Variants in PCDH17 observed in about 807,000 individuals in gnomAD.
PCDH17 encodes the protein protocadherin 17, also known as protocadherin-17.
Under a neutral mutation model 67.7 loss-of-function variants are expected in PCDH17, and 21 were observed. The observed-to-expected ratio is 0.31, with a 90% CI of 0.22 to 0.45. The LOEUF (loss-of-function observed/expected upper bound fraction) is 0.45, where lower values mean the gene tolerates loss of function less well. PCDH17 is among the 20% of genes least tolerant of loss of function. The probability of loss-of-function intolerance (pLI) is 1.00; values close to 1 mark genes in which losing one functional copy is unlikely to be tolerated. For missense variants in PCDH17, 1,471 were observed against 1,564.8 expected (o/e 0.94, Z 1.01); for synonymous variants, 701 against 656.7 (o/e 1.07, Z -1.03).
At chr13:57,646,883 T>C (rs1407632660) in intron 1 of PCDH17, among the ~76,000 whole-genome samples, 1 of 151,796 alleles carries the variant, frequency 6.6e-6, no homozygotes, top group Admixed American at 6.6e-5. Context: ...ATAAGACACA[T>C]CAGCAATCAG....
At chr13:57,654,664 G>A (rs1026124402) in intron 1 of PCDH17, among the ~76,000 whole-genome samples, 10 of 151,944 alleles carry the variant, frequency 6.6e-5, no homozygotes, top group African/African-American at 2.2e-4. Flanking sequence ...AGAGTACAGA[G>A]ATTTCACTTC....
chr13:57,659,932 G>T (rs1015519020), intron 1 of PCDH17, among the ~76,000 whole-genome samples: 1 of 151,978 alleles, frequency 6.6e-6, no homozygotes, highest in African/African-American at 2.4e-5. Context: ...AAAATTCTTT[G>T]GAAGAAATAA....
In PCDH17 at chr13:57,633,793, A is replaced by T; in HGVS notation, c.1247A>T (p.Glu416Val). 6.2e-7 allele frequency: 1 copy of T among 1,607,824 alleles called. No individual in the cohort carries two copies. Among genetic ancestry groups the T allele is most frequent in the Non-Finnish European group, 8.5e-7 (1 of 1,179,086 alleles). ...PGGSVPFKLE[E>V]NYDNFYTVVT... ...GGTTCCGTCCCCTTCAAGCTTGAGG[A>T]GAACTACGACAACTTCTACACGGTG... is the stretch of plus-strand genomic sequence containing the variant. Residue 416 changes from glutamate (E) to valine (V), a missense_variant, in exon 1 of 4, where the codon GAG (glutamate) becomes GTG (valine). Coordinates refer to ENST00000377918, the MANE Select transcript of PCDH17 (RefSeq NM_001040429.3). This position sits in a 1 kb window ranked among gnomAD's most constrained non-coding sequence, Gnocchi z 6.2.
In PCDH17 at chr13:57,724,756, A is replaced by G; in HGVS notation, c.2942A>G (p.Asn981Ser). The G allele has an allele frequency of 6.2e-7, 1 of 1,614,190 alleles. No homozygotes were observed. The highest frequency in any genetic ancestry group is 8.5e-7 in the Non-Finnish European group (1 of 1,180,018). Reference sequence around the variant, plus strand: ...CTCTTTGTACCTACAGTTGAAGCTAATGTTGAGACTGAGACTTACGAAACT... The same window carrying G: ...CTCTTTGTACCTACAGTTGAAGCTAGTGTTGAGACTGAGACTTACGAAACT... ...TNLFVPTVEA[N>S]VETETYETVN... The change falls in exon 4 of 4, where the codon AAT (asparagine) becomes AGT (serine). Residue 981 changes from asparagine (N) to serine (S), a missense_variant. Physicochemically the swap from Asn to Ser is conservative, Grantham distance 46. Coordinates refer to ENST00000377918, the MANE Select transcript of PCDH17 (RefSeq NM_001040429.3).
At chr13:57,709,281 A>G (rs1020518069) in intron 3 of PCDH17, among the ~76,000 whole-genome samples, 2 of 151,786 alleles carry the variant, frequency 1.3e-5, no homozygotes, top group East Asian at 1.9e-4. Flanking sequence ...AACTAGGGAT[A>G]TTACAGAATA....
At chr13:57,652,172 G>C (rs562016235) in intron 1 of PCDH17, among the ~76,000 whole-genome samples, 4 of 151,712 alleles carry the variant, frequency 2.6e-5, no homozygotes, top group African/African-American at 9.7e-5. Context: ...CACCTACTCG[G>C]GAGGCTGAGG....
chr13:57,654,448 T>C (rs993171646), intron 1 of PCDH17, among the ~76,000 whole-genome samples: 1 of 152,062 alleles, frequency 6.6e-6, no homozygotes, highest in Non-Finnish European at 1.5e-5. Flanking sequence ...TTGCACCATG[T>C]AGATTATAAA....
chr13:57,719,300 G>A (rs986280489), intron 3 of PCDH17, among the ~76,000 whole-genome samples: 2 of 151,940 alleles, frequency 1.3e-5, no homozygotes, highest in African/African-American at 4.8e-5. Context: ...ACAGAAATAA[G>A]ACCATTTGGT....
intron 3 of PCDH17, among the ~76,000 whole-genome samples, chr13:57,698,728 C>T (rs971593230): frequency 7.2e-5 from 11 of 151,938 alleles, no homozygotes; most frequent in African/African-American, 1.9e-4. Context: ...TATAATGATC[C>T]GAAATGATGC....
intron 3 of PCDH17, among the ~76,000 whole-genome samples, chr13:57,713,850 T>C (rs964506858): frequency 3.3e-5 from 5 of 151,560 alleles, no homozygotes; most frequent in Non-Finnish European, 7.4e-5. Context: ...TTCATACATA[T>C]TTCTCACTCA....
rs1351292217 is a variant in PCDH17 at position 57,728,888 on chromosome 13, A to G, written c.*3594A>G. ...ATAGAGCATATGCTTTTTTAGAACC[A>G]GGTTAAAAGCTGTTTGTTATCTAAT... is the stretch of plus-strand genomic sequence containing the variant. On this transcript the variant is annotated 3_prime_UTR_variant, in exon 4 of 4. Coordinates refer to ENST00000377918, the MANE Select transcript of PCDH17 (RefSeq NM_001040429.3). 6.6e-6 allele frequency: 1 copy of G among 152,406 alleles called. No homozygotes were observed. The highest frequency in any genetic ancestry group is 1.5e-5 in the Non-Finnish European group (1 of 67,998). The allele number at this position is 152,406 out of a possible 1,614,324, so 9.4% of individuals were successfully genotyped here.
intron 1 of PCDH17, among the ~76,000 whole-genome samples, chr13:57,640,226 T>C (rs998194528): frequency 5.3e-5 from 8 of 152,008 alleles, no homozygotes; most frequent in African/African-American, 1.9e-4. Flanking sequence ...GCTGCTTATG[T>C]ACTATAACAC....
intron 3 of PCDH17, among the ~76,000 whole-genome samples, chr13:57,715,134 T>C (rs894370055): frequency 1.3e-5 from 2 of 151,820 alleles, no homozygotes; most frequent in Non-Finnish European, 1.5e-5. Flanking sequence ...ATATTTTCTA[T>C]ATAAACATTG....
At position 57,698,633 on chromosome 13, in the gene PCDH17, G is replaced by T. The variant is rs187849519; in HGVS notation, c.2798-25979G>T. 5.9e-5 allele frequency among the ~76,000 whole-genome samples: 9 copies of T among 151,884 alleles called. No homozygotes were observed. In the East Asian group the frequency reaches 1.8e-3, roughly 30 times the overall value. On this transcript the variant is annotated intron_variant, in intron 3 of 3. Transcript: ENST00000377918. ...GTGAAATAAGTTTACCTATTCCGCA[G>T]AAATCATTGAGTAATGTGATCCACT...
At chr13:57,669,470 T>C (rs1333202857) in intron 3 of PCDH17, among the ~76,000 whole-genome samples, 1 of 151,864 alleles carries the variant, frequency 6.6e-6, no homozygotes, top group African/African-American at 2.4e-5. Context: ...CTCATCTATA[T>C]ATCTCTTTAT....
intron 3 of PCDH17, among the ~76,000 whole-genome samples, chr13:57,693,315 C>CATATATATATATAT (rs59643529): frequency 0.08 from 7,034 of 88,464 alleles, 595 homozygotes; most frequent in African/African-American, 0.094. Context: ...CACTTACATT[C>CATATATATATATAT]ATATATATAT....
At chr13:57,637,647 C>T (rs1020512504) in intron 1 of PCDH17, among the ~76,000 whole-genome samples, 6 of 151,886 alleles carry the variant, frequency 4.0e-5, no homozygotes, top group Non-Finnish European at 7.4e-5. Context: ...CTAACTGCTA[C>T]TAGGTCTGGT....
rs188247906 is a variant in PCDH17 at position 57,661,579 on chromosome 13, T to A, written c.2566-4889T>A. ...AAGTTTTCTACTGAATATTTTTAGT[T>A]TTACGATTTACATTTAGGTCTATGT... On this transcript the variant is annotated intron_variant, in intron 1 of 3. Transcript: ENST00000377918. Among the ~76,000 whole-genome samples the A allele has an allele frequency of 5.9e-5, 9 of 152,258 alleles. No homozygotes were observed. In the East Asian group the frequency reaches 1.7e-3, roughly 29 times the overall value.
At position 57,634,367 on chromosome 13, in the gene PCDH17, G is replaced by A. The variant is rs1351106965; in HGVS notation, c.1821G>A (p.Val607=). Residue 607 remains valine (V), a synonymous_variant, in exon 1 of 4, where the codon GTG becomes GTA. Transcript: ENST00000377918. The surrounding 1 kb of genome is among the most constrained non-coding windows in gnomAD (Gnocchi z 7.8). ...VPRNAGLGYL[V]STVRALDSDF... ...GCAACGCTGGCCTGGGCTATCTGGT[G>A]AGCACTGTGCGCGCCCTAGACAGCG... 1 of 1,612,588 alleles carries A rather than the reference G, an allele frequency of 6.2e-7. No individual in the cohort carries two copies. The highest frequency in any genetic ancestry group is 1.7e-5 in the Admixed American group (1 of 60,016).
Sources: allele counts gnomAD v4.1 joint callset (sites outside exome capture counted in the v4.1 genomes callset), GRCh38; gene constraint gnomAD v4.1.1; non-coding constraint Gnocchi (gnomAD v3.1); transcripts MANE v1.5; gene names NCBI Gene and HGNC (gene_info 2026-07-23, HGNC 2026-07-21).